The following NLRP12 variants were observed in gnomAD, a reference collection of about 807,000 sequenced individuals.
NLRP12 encodes the protein NLR family pyrin domain containing 12.
In NLRP12, 108 loss-of-function variants were observed where a neutral mutation model predicts 91.2. The ratio of observed to expected loss-of-function variants is 1.18; its 90% confidence interval spans 1.01 to 1.39. NLRP12 has a LOEUF of 1.39. Ranked by LOEUF, NLRP12 falls within the 40% of genes most tolerant of loss-of-function variation. The pLI is 0.00. For missense variants in NLRP12, 1,530 were observed against 1,352.7 expected, an observed-to-expected ratio of 1.13 and a Z score of -2.06; for synonymous variants, 613 against 566.7, an observed-to-expected ratio of 1.08 and a Z score of -1.16.
intron 2 of NLRP12, among the ~76,000 whole-genome samples, chr19:53,813,613 G>A (rs1433709578): frequency 6.6e-6 from 1 of 150,772 alleles, no homozygotes; most frequent in Non-Finnish European, 1.5e-5. Context: ...GGCAACTGCT[G>A]TTCTACTTTC....
At chr19:53,823,094 C>T (rs976615938) in intron 1 of NLRP12, among the ~76,000 whole-genome samples, 2 of 150,166 alleles carry the variant, frequency 1.3e-5, no homozygotes, top group South Asian at 4.2e-4. Flanking sequence ...TATATATACA[C>T]ACACACATAT....
intron 8 of NLRP12, among the ~76,000 whole-genome samples, chr19:53,797,728 T>G (rs913920475): frequency 6.8e-6 from 1 of 146,298 alleles, no homozygotes. Flanking sequence ...TCTTTTGTAA[T>G]TTTTAAATTT....
chr19:53,821,974 C>T (rs2122783398), intron 1 of NLRP12, among the ~76,000 whole-genome samples: 1 of 152,150 alleles, frequency 6.6e-6, no homozygotes, highest in Middle Eastern at 3.4e-3. Flanking sequence ...CAGCTGGAGG[C>T]CATTATCCAA....
chr19:53,809,586 C>G lies in NLRP12; in HGVS notation c.2072+1G>C, dbSNP rs766603266. 3.2e-6 allele frequency: 5 copies of G among 1,554,506 alleles called. No homozygotes were observed. The highest frequency in any genetic ancestry group is 1.1e-5 in the South Asian group (1 of 90,406). On this transcript the variant is annotated splice_donor_variant, in intron 3 of 9. Transcript: ENST00000324134. LOFTEE classifies it high-confidence loss of function. ...CCAGGGGATACCCCAGGGATACTTA[C>G]AGCTGCACCAACAGCGTGTGCGCTC... is the stretch of plus-strand genomic sequence containing the variant.
chr19:53,802,715 AAAAG>A (rs1450024810), intron 6 of NLRP12, among the ~76,000 whole-genome samples: 3 of 151,998 alleles, frequency 2.0e-5, no homozygotes, highest in Non-Finnish European at 4.4e-5. Flanking sequence ...TCAAAAAAAA[AAAAG>A]AAAACTGGGG....
intron 3 of NLRP12, chr19:53,808,645 G>C (rs2092001558): frequency 6.6e-6 from 1 of 152,148 alleles, no homozygotes; most frequent in South Asian, 2.1e-4. Flanking sequence ...AGTGAGCTGA[G>C]ATTGTGCCCC....
intron 6 of NLRP12, among the ~76,000 whole-genome samples, chr19:53,801,965 T>C (rs73608445): frequency 0.4 from 60,552 of 151,568 alleles, 14,138 homozygotes; most frequent in African/African-American, 0.66. Flanking sequence ...CAGTGGCTCA[T>C]GCCTGTAATC....
chr19:53,801,001 TGC>T (rs1568661452), intron 7 of NLRP12, among the ~76,000 whole-genome samples: 31 of 151,624 alleles, frequency 2.0e-4, no homozygotes, highest in African/African-American at 7.5e-4. Context: ...GAGACCATCC[TGC>T]TAACATGATG....
chr19:53,795,765 G>T, intron 9 of NLRP12, 94 bp downstream of exon 9: 1 of 1,084,162 alleles, frequency 9.2e-7, no homozygotes, highest in Non-Finnish European at 1.4e-6. Flanking sequence ...GCATACACCA[G>T]TGCATAACGT....
At chr19:53,818,362 A>T (rs2092194026) in intron 1 of NLRP12, among the ~76,000 whole-genome samples, 1 of 145,034 alleles carries the variant, frequency 6.9e-6, no homozygotes, top group Non-Finnish European at 1.5e-5. Flanking sequence ...GTGTGGCCAC[A>T]TTTTTTTTTT....
chr19:53,820,063 G>A (rs2092244022), intron 1 of NLRP12, among the ~76,000 whole-genome samples: 1 of 152,070 alleles, frequency 6.6e-6, no homozygotes, highest in Non-Finnish European at 1.5e-5. Context: ...TGTATATCCA[G>A]TTATTGGCAG....
Position 53,819,557 on chromosome 19 carries a change from ATACGTATATATATGCGTATATATG to A in NLRP12, c.289+4305_289+4328del, listed in dbSNP as rs1274686577. On this transcript the variant is annotated intron_variant, in intron 1 of 9. Transcript: ENST00000324134. ...TATGTATACGTATATATATGTATGTATACGTATATATATGCGTATATATGTATGTATACGTATATACGCATATAT... is the reference window on the plus strand; with the variant it reads ...TATGTATACGTATATATATGTATGTATATGTATACGTATATACGCATATAT... Among the ~76,000 whole-genome samples the A allele has an allele frequency of 1.9e-5, 2 of 106,838 alleles. 1 individual carries two copies. The highest frequency in any genetic ancestry group is 1.8e-4 in the Admixed American group (2 of 10,964). 70.1% of individuals were successfully genotyped at this position (106,838 alleles called of 152,430 possible).
At position 53,823,878 on chromosome 19, in the gene NLRP12, C is replaced by G. The variant is rs2092305404; in HGVS notation, c.289+8G>C. The G allele has an allele frequency of 3.7e-6, 6 of 1,613,846 alleles. No individual in the cohort carries two copies. Among genetic ancestry groups the G allele is most frequent in the Middle Eastern group, 1.7e-4 (1 of 6,014 alleles). On this transcript the variant is annotated splice_region_variant and intron_variant, in intron 1 of 9. Transcript: ENST00000324134. The stretch of plus-strand genomic sequence containing the variant: ...ATTCTAGCCTTGCCTGTCCCGCCAC[C>G]TCCTTACCCCTCACCAGGTCCTCTC...
chr19:53,819,314 G>A (rs1292124374), intron 1 of NLRP12, among the ~76,000 whole-genome samples: 8 of 147,984 alleles, frequency 5.4e-5, no homozygotes, highest in African/African-American at 2.0e-4. Flanking sequence ...GCGTGATCTC[G>A]GCTCACTGCA....
At chr19:53,811,483 T>C (rs1397219270) in intron 2 of NLRP12, among the ~76,000 whole-genome samples, 195 bp from the exon 3 acceptor site, 1 of 151,826 alleles carries the variant, frequency 6.6e-6, no homozygotes, top group African/African-American at 2.4e-5. Context: ...CACTGCACTC[T>C]AGCCTGGGCA....
At chr19:53,813,296 TTTC>T (rs1220762656) in intron 2 of NLRP12, among the ~76,000 whole-genome samples, 12 of 128,958 alleles carry the variant, frequency 9.3e-5, no homozygotes, top group African/African-American at 3.4e-4. Context: ...TTTTTTTTCT[TTTC>T]TTTTTTTTTT....
rs1489362788 is a variant in NLRP12, at chr19:53,819,449, A to ATGTGTGTGTG, written c.289+4436_289+4437insCACACACACA. 6.4e-4 allele frequency among the ~76,000 whole-genome samples: 9 copies of ATGTGTGTGTG among 14,068 alleles called. 1 individual carries two copies. Among genetic ancestry groups the ATGTGTGTGTG allele is most frequent in the African/African-American group, 8.8e-4 (4 of 4,522 alleles). The allele number at this position is 14,068 out of a possible 152,430, so 9.2% of individuals were successfully genotyped here. On this transcript the variant is annotated intron_variant, in intron 1 of 9. Transcript: ENST00000324134. ...TATATATATATATATATATATATAT[A>ATGTGTGTGTG]TATATATATGTGTGTGTGTGTGTGT... is the stretch of plus-strand genomic sequence containing the variant.
rs769875435 is a variant in NLRP12, at chr19:53,798,300, C to T, written c.2870G>A (p.Gly957Asp). Residue 957 changes from glycine to aspartate, a missense_variant, in exon 8 of 10, where the codon GGC becomes GAC. Gly to Asp is a moderately conservative substitution (Grantham distance 94). Coordinates refer to ENST00000324134, the MANE Select transcript of NLRP12 (RefSeq NM_144687.4). ...CAGCCCCTCAGCCAGCAACCACAGG[C>T]CCCAGTCTCCCAGGTCGTTGAAACT... ...DLSFNDLGDW[G>D]LWLLAEGLQH... is the part of the protein sequence containing the mutation. The T allele has an allele frequency of 1.2e-6, 2 of 1,614,166 alleles. No homozygotes were observed. Among genetic ancestry groups the T allele is most frequent in the East Asian group, 4.5e-5 (2 of 44,880 alleles).
At chr19:53,804,571 G>A (rs1011322103) in intron 5 of NLRP12, among the ~76,000 whole-genome samples, 12 of 150,884 alleles carry the variant, frequency 8.0e-5, no homozygotes, top group Non-Finnish European at 1.6e-4. Flanking sequence ...ACCACGCCCA[G>A]CTAAGTTTTG....
Sources: gnomAD v4.1 joint callset for allele counts (sites outside exome capture counted in the v4.1 genomes callset) on GRCh38, gnomAD v4.1.1 for gene constraint, MANE v1.5 for transcripts, NCBI Gene and HGNC (gene_info 2026-07-23, HGNC 2026-07-21) for gene names.